RAD54L2: variants seen among roughly 807,000 people sequenced by gnomAD.
The protein encoded by RAD54L2 is RAD54 like 2.
In RAD54L2, 27 loss-of-function variants were observed where a neutral mutation model predicts 138.4. The ratio of observed to expected loss-of-function variants is 0.20; its 90% CI spans 0.14 to 0.27. RAD54L2 has a LOEUF of 0.27. Among genes scored for constraint, RAD54L2 ranks in the 10% least tolerant of loss-of-function variants. RAD54L2 has a pLI of 1.00. For missense variants in RAD54L2, 1,396 were observed against 1,890.2 expected, an observed-to-expected ratio of 0.74 and a Z score of 4.85; for synonymous variants, 644 against 723.2, an observed-to-expected ratio of 0.89 and a Z score of 1.76.
intron 21 of RAD54L2, 82 bp from the exon 22 acceptor site, chr3:51,659,944 C>A: frequency 9.8e-7 from 1 of 1,019,388 alleles, no homozygotes; most frequent in Non-Finnish European, 1.5e-6. Context: ...ATTTACAAGC[C>A]CACGGCGCAC....
At chr3:51,639,376 T>G (rs371996966) in intron 12 of RAD54L2, 43 bp from the exon 13 acceptor site, 37 of 1,605,126 alleles carry the variant, frequency 2.3e-5, no homozygotes, top group Non-Finnish European at 2.1e-5. Context: ...ACCCTTGGAA[T>G]GTTTTTTGTC....
chr3:51,570,139 ATT>A (rs374562749), intron 2 of RAD54L2, among the ~76,000 whole-genome samples: 124 of 100,934 alleles, frequency 1.2e-3, no homozygotes, highest in African/African-American at 4.3e-3. Flanking sequence ...AGCCTTTTTA[ATT>A]TTTTTTTTTT....
rs1305279962 is a variant in RAD54L2, at chr3:51,666,039, C to T, written c.*2619C>T. On this transcript the variant is annotated 3_prime_UTR_variant, in exon 23 of 23. Transcript: ENST00000684192. ...TTCCAGGGACTGGGTCTTGCTTCTA[C>T]TCAGCAGAGGCCATCATTCTGGGAG... The T allele has an allele frequency of 6.6e-6, 1 of 152,088 alleles. No individual in the cohort carries two copies. Among genetic ancestry groups the T allele is most frequent in the East Asian group, 1.9e-4 (1 of 5,184 alleles). 9.4% of individuals were successfully genotyped at this position (152,088 alleles called of 1,614,324 possible).
chr3:51,604,663 G>T (rs1577418032), intron 3 of RAD54L2, among the ~76,000 whole-genome samples: 1 of 152,136 alleles, frequency 6.6e-6, no homozygotes, highest in Admixed American at 6.6e-5. Context: ...GTTTATGTTC[G>T]CAAGGTGACT....
At chr3:51,586,899 GAA>G (rs1296101496) in intron 2 of RAD54L2, among the ~76,000 whole-genome samples, 1 of 151,936 alleles carries the variant, frequency 6.6e-6, no homozygotes, top group Non-Finnish European at 1.5e-5. Context: ...AGTCTAGGAT[GAA>G]AGAGAGGGGT....
At chr3:51,544,415 G>A (rs1698633713) in intron 2 of RAD54L2, among the ~76,000 whole-genome samples, 1 of 152,036 alleles carries the variant, frequency 6.6e-6, no homozygotes, top group African/African-American at 2.4e-5. Context: ...TTGCTTTTTT[G>A]GGTCTTGCAA....
rs183131595 is a variant in RAD54L2 at position 51,660,277 on chromosome 3, G to T, written c.3409+159G>T. 2.9e-3 allele frequency among the ~76,000 whole-genome samples: 429 copies of T among 145,862 alleles called. 2 individuals carry two copies. Among genetic ancestry groups the T allele is most frequent in the African/African-American group, 9.6e-3 (384 of 40,120 alleles). ...AGTGAAAAGTAAGTATTTTTGTGTGGTTTTTTTTTTTGTTTCTTTTTGTTT... is the reference window on the plus strand; with the variant it reads ...AGTGAAAAGTAAGTATTTTTGTGTGTTTTTTTTTTTTGTTTCTTTTTGTTT... On this transcript the variant is annotated intron_variant, in intron 22 of 22. Coordinates refer to ENST00000684192, the MANE Select transcript of RAD54L2 (RefSeq NM_015106.4).
chr3:51,575,354 C>G (rs1270693069), intron 2 of RAD54L2, among the ~76,000 whole-genome samples: 1 of 152,030 alleles, frequency 6.6e-6, no homozygotes, highest in Non-Finnish European at 1.5e-5. Context: ...TCCATATGAA[C>G]TTTAAAGTAG....
chr3:51,551,018 G>T (rs1168593813), intron 2 of RAD54L2, among the ~76,000 whole-genome samples: 1 of 152,170 alleles, frequency 6.6e-6, no homozygotes, highest in Non-Finnish European at 1.5e-5. Flanking sequence ...CTGTACTCCA[G>T]CCTAGGTGAT....
chr3:51,663,555 C>CCAAAGTGG lies in RAD54L2; in HGVS notation c.*138_*145dup. The CCAAAGTGG allele has an allele frequency of 1.5e-6, 1 of 688,786 alleles. No individual in the cohort carries two copies. The highest frequency in any genetic ancestry group is 2.1e-6 in the Non-Finnish European group (1 of 475,854). 42.7% of individuals were successfully genotyped at this position (688,786 alleles called of 1,614,324 possible). On this transcript the variant is annotated 3_prime_UTR_variant, in exon 23 of 23. Transcript: ENST00000684192. The stretch of plus-strand genomic sequence containing the variant: ...GAAGAGGACAAAGGAGGGTGGTTGG[C>CCAAAGTGG]CAAAGTGGCAGAGCTCTGTTGCTGT...
At chr3:51,595,702 TA>T (rs1235201636) in intron 3 of RAD54L2, among the ~76,000 whole-genome samples, 6 of 152,154 alleles carry the variant, frequency 3.9e-5, no homozygotes, top group Non-Finnish European at 8.8e-5. Context: ...TATAACATGT[TA>T]AAGGACCCAT....
intron 2 of RAD54L2, among the ~76,000 whole-genome samples, chr3:51,544,353 G>A (rs1698632527): frequency 6.6e-6 from 1 of 152,226 alleles, no homozygotes; most frequent in African/African-American, 2.4e-5. Context: ...TTTGTTGTGA[G>A]AATGTGTTGC....
chr3:51,553,171 G>A (rs557563624), intron 2 of RAD54L2, among the ~76,000 whole-genome samples: 3 of 152,146 alleles, frequency 2.0e-5, no homozygotes, highest in South Asian at 2.1e-4. Flanking sequence ...TCCACCTCCC[G>A]AGTTCAAGTG....
chr3:51,601,130 G>A (rs190397178), intron 3 of RAD54L2, among the ~76,000 whole-genome samples: 14 of 152,182 alleles, frequency 9.2e-5, no homozygotes, highest in African/African-American at 2.6e-4. Context: ...TTATGAACAC[G>A]ATTTTTAAAA....
chr3:51,646,560 C>A, intron 19 of RAD54L2, 79 bp downstream of exon 19: 1 of 1,353,350 alleles, frequency 7.4e-7, no homozygotes, highest in Non-Finnish European at 1.0e-6. Flanking sequence ...TAAATAAAGG[C>A]AGAGCCTACA....
At chr3:51,601,602 G>A (rs1317135687) in intron 3 of RAD54L2, among the ~76,000 whole-genome samples, 6 of 150,806 alleles carry the variant, frequency 4.0e-5, no homozygotes, top group Non-Finnish European at 7.4e-5. Flanking sequence ...CACCGCGCCC[G>A]GGCTAATTTT....
At chr3:51,541,105 A>G (rs1348860397) in intron 1 of RAD54L2, 2 of 151,840 alleles carry the variant, frequency 1.3e-5, no homozygotes, top group East Asian at 3.9e-4. Flanking sequence ...TTCATAAACG[A>G]ACATTTATTG....
chr3:51,664,662 C>G lies in RAD54L2; in HGVS notation c.*1242C>G, dbSNP rs933067785. ...AATCCTGGATGGATGGTAAATTGAC[C>G]AGGGGAAGAGTTAGGTTTGACCAAG... On this transcript the variant is annotated 3_prime_UTR_variant, in exon 23 of 23. Coordinates refer to ENST00000684192, the MANE Select transcript of RAD54L2 (RefSeq NM_015106.4). 6.6e-6 allele frequency: 1 copy of G among 152,050 alleles called. No individual in the cohort carries two copies. The highest frequency in any genetic ancestry group is 2.4e-5 in the African/African-American group (1 of 41,384). 9.4% of individuals were successfully genotyped at this position (152,050 alleles called of 1,614,324 possible). A position where few individuals can be genotyped will look rare whatever the true frequency, so the allele number is the denominator to read the frequency against.
chr3:51,599,954 G>A (rs1235363621), intron 3 of RAD54L2, among the ~76,000 whole-genome samples: 3 of 144,970 alleles, frequency 2.1e-5, no homozygotes, highest in Non-Finnish European at 4.6e-5. Context: ...TTTTTGAGAC[G>A]GAGCCTCACC....
Sources: gnomAD v4.1 joint callset for allele counts (sites outside exome capture counted in the v4.1 genomes callset) on GRCh38, gnomAD v4.1.1 for gene constraint, MANE v1.5 for transcripts, NCBI Gene and HGNC (gene_info 2026-07-23, HGNC 2026-07-21) for gene names.